Variants in MAN1C1 observed in about 807,000 individuals in gnomAD.
The protein encoded by MAN1C1 is mannosyl-oligosaccharide 1,2-alpha-mannosidase IC.
MAN1C1 carries 49 observed loss-of-function variants against 71.5 expected under a neutral mutation model. The observed-to-expected ratio is 0.69, with a 90% CI of 0.54 to 0.87. The LOEUF (loss-of-function observed/expected upper bound fraction) is 0.87, where lower values mean the gene tolerates loss of function less well. Among genes scored for constraint, MAN1C1 ranks in the 40% least tolerant of loss-of-function variants. MAN1C1 has a pLI of 0.00. For synonymous variants in MAN1C1, 352 were observed against 343.7 expected (o/e 1.02, Z -0.27); for missense variants, 743 against 835.0 (o/e 0.89, Z 1.36).
At chr1:25,766,360 G>A (rs1363676701) in intron 7 of MAN1C1, among the ~76,000 whole-genome samples, 2 of 151,392 alleles carry the variant, frequency 1.3e-5, no homozygotes, top group African/African-American at 4.9e-5. Context: ...TTTTTTTTTG[G>A]TGCATACGTA....
At chr1:25,629,600 T>C (rs1157283083) in intron 1 of MAN1C1, among the ~76,000 whole-genome samples, 1 of 152,146 alleles carries the variant, frequency 6.6e-6, no homozygotes, top group Non-Finnish European at 1.5e-5. Context: ...CTTGTATTTT[T>C]AGTAGAGACA....
chr1:25,699,074 A>G (rs182801244), intron 2 of MAN1C1, among the ~76,000 whole-genome samples: 4 of 152,076 alleles, frequency 2.6e-5, no homozygotes, highest in Non-Finnish European at 4.4e-5. Flanking sequence ...TGGGAGGCCA[A>G]GGCAGGCAGA....
In MAN1C1 at chr1:25,782,469, G is replaced by T. The variant is rs530340865; in HGVS notation, c.1651-116G>T. 5 of 656,108 alleles carry T rather than the reference G, an allele frequency of 7.6e-6. No homozygotes were observed. Among genetic ancestry groups the T allele is most frequent in the Middle Eastern group, 5.0e-4 (2 of 4,000 alleles). 40.6% of individuals were successfully genotyped at this position (656,108 alleles called of 1,614,324 possible). A position where few individuals can be genotyped will look rare whatever the true frequency, so the allele number is the denominator to read the frequency against. ...AAATGCCAGGAGTCCCCAGCCAAGG[G>T]GTGGGGGTGCTGTCTGCTTTCTTCT... On this transcript the variant is annotated intron_variant, in intron 10 of 11. Transcript: ENST00000374332. The surrounding 1 kb of genome is among the most constrained non-coding windows in gnomAD (Gnocchi z 4.4).
chr1:25,652,956 C>G (rs1014464885), intron 1 of MAN1C1, among the ~76,000 whole-genome samples: 4 of 152,002 alleles, frequency 2.6e-5, no homozygotes, highest in African/African-American at 9.7e-5. Flanking sequence ...TGAGGTCTCG[C>G]CATGTTGCCC....
At chr1:25,743,357 T>C (rs1188199360) in intron 2 of MAN1C1, among the ~76,000 whole-genome samples, 1 of 152,182 alleles carries the variant, frequency 6.6e-6, no homozygotes, top group Non-Finnish European at 1.5e-5. Context: ...TGGCTCTTTG[T>C]GTATAAATCA....
intron 8 of MAN1C1, chr1:25,772,005 G>T (rs1030753183): frequency 2.0e-6 from 1 of 502,194 alleles, no homozygotes; most frequent in African/African-American, 2.0e-5. Flanking sequence ...TGAAACCTAA[G>T]CTCTGGGAGG....
chr1:25,735,494 A>G lies in MAN1C1; in HGVS notation c.638-11174A>G, dbSNP rs2046971391. Among the ~76,000 whole-genome samples, 1 of 152,096 alleles carries G rather than the reference A, an allele frequency of 6.6e-6. No homozygotes were observed. Among genetic ancestry groups the G allele is most frequent in the African/African-American group, 2.4e-5 (1 of 41,396 alleles). On this transcript the variant is annotated intron_variant, in intron 2 of 11. Coordinates refer to ENST00000374332, the MANE Select transcript of MAN1C1 (RefSeq NM_020379.4). This position sits in a 1 kb window ranked among gnomAD's most constrained non-coding sequence, Gnocchi z 4.6. ...TATGTGTATGTATATATGTGTGTAT[A>G]TGTGTGTATGTATGTGTGTGTATAT...
chr1:25,771,923 G>A (rs1036140196), intron 8 of MAN1C1, 151 bp downstream of exon 8: 16 of 624,514 alleles, frequency 2.6e-5, no homozygotes, highest in Non-Finnish European at 4.2e-5. Context: ...TGACAGGACA[G>A]TCCCCTCCCA....
chr1:25,768,897 TAC>T (rs963234485), intron 7 of MAN1C1, among the ~76,000 whole-genome samples: 1 of 54,182 alleles, frequency 1.8e-5, no homozygotes, highest in Non-Finnish European at 3.8e-5. Context: ...ACACACATAT[TAC>T]ACACACTTTC....
chr1:25,739,697 C>T (rs1480995290), intron 2 of MAN1C1, among the ~76,000 whole-genome samples: 1 of 152,172 alleles, frequency 6.6e-6, no homozygotes, highest in East Asian at 1.9e-4. Context: ...GATTGACACG[C>T]TCTTCACAGA....
chr1:25,637,562 T>G (rs1326641184), intron 1 of MAN1C1, among the ~76,000 whole-genome samples: 1 of 151,658 alleles, frequency 6.6e-6, no homozygotes. Flanking sequence ...TAACTGTCAC[T>G]TAGGTCAGAT....
Position 25,646,805 on chromosome 1 carries a change from T to C in MAN1C1, c.540+28468T>C, listed in dbSNP as rs979911002. Among the ~76,000 whole-genome samples, 4 of 152,246 alleles carry C rather than the reference T, an allele frequency of 2.6e-5. No homozygotes were observed. The South Asian group carries it at 8.3e-4, about 32-fold the overall frequency. ...TTGTATGGGTAGACCGCATTTTCTTTCTCCATTCTTCTGTTGATGGACATT... is the reference window on the plus strand; with the variant it reads ...TTGTATGGGTAGACCGCATTTTCTTCCTCCATTCTTCTGTTGATGGACATT... On this transcript the variant is annotated intron_variant, in intron 1 of 11. Coordinates refer to ENST00000374332, the MANE Select transcript of MAN1C1 (RefSeq NM_020379.4).
At chr1:25,761,779 T>G (rs2047362744) in intron 6 of MAN1C1, 2 of 151,916 alleles carry the variant, frequency 1.3e-5, no homozygotes, top group Non-Finnish European at 2.9e-5. Flanking sequence ...CCCACCACCA[T>G]GCCTGGGTAA....
chr1:25,621,612 G>T lies in MAN1C1; in HGVS notation c.540+3275G>T, dbSNP rs142713179. ...GCTTGGTTGTGTTTTTGTTGTTGTT[G>T]TTTTTTTTGTTTGTGTTTGTTTTTT... On this transcript the variant is annotated intron_variant, in intron 1 of 11. Transcript: ENST00000374332. Among the ~76,000 whole-genome samples the T allele has an allele frequency of 6.7e-3, 1,014 of 151,310 alleles. 7 individuals carry two copies. Among genetic ancestry groups the T allele is most frequent in the African/African-American group, 0.021 (853 of 41,172 alleles).
Position 25,746,892 on chromosome 1 carries a change from C to T in MAN1C1, c.753+109C>T, listed in dbSNP as rs1392855835. 1.9e-5 allele frequency: 14 copies of T among 738,642 alleles called. No homozygotes were observed. Among genetic ancestry groups the T allele is most frequent in the Admixed American group, 5.2e-5 (2 of 38,150 alleles). 45.8% of individuals were successfully genotyped at this position (738,642 alleles called of 1,614,324 possible). On this transcript the variant is annotated intron_variant, in intron 3 of 11. Transcript: ENST00000374332. This position sits in a 1 kb window ranked among gnomAD's most constrained non-coding sequence, Gnocchi z 4.0. ...CCAGAGATGTTGAGGGTCTCTCCCACGGCTGCACAGCCCAGCAGTCTCGGA... is the reference window on the plus strand; with the variant it reads ...CCAGAGATGTTGAGGGTCTCTCCCATGGCTGCACAGCCCAGCAGTCTCGGA...
At chr1:25,651,049 G>A (rs530985990) in intron 1 of MAN1C1, among the ~76,000 whole-genome samples, 30 of 152,332 alleles carry the variant, frequency 2.0e-4, no homozygotes, top group South Asian at 2.1e-4. Flanking sequence ...AGGTGAGTAA[G>A]TGGAAGCTTG....
At chr1:25,777,964 G>T (rs1036696665) in intron 8 of MAN1C1, 141 bp from the exon 9 acceptor site, 4 of 631,204 alleles carry the variant, frequency 6.3e-6, no homozygotes, top group Non-Finnish European at 1.1e-5. Flanking sequence ...AGAGATCAAT[G>T]GGCCTCCTTT....
chr1:25,764,910 T>C lies in MAN1C1; in HGVS notation c.1141+943T>C, dbSNP rs2047408178. Reference sequence around the variant, plus strand: ...TAAAAATACAAAAAGTAGCTGGGTGTGGTGGCACGTGTCTCTAGTCCCAGC... The same window carrying C: ...TAAAAATACAAAAAGTAGCTGGGTGCGGTGGCACGTGTCTCTAGTCCCAGC... On this transcript the variant is annotated intron_variant, in intron 7 of 11. Coordinates refer to ENST00000374332, the MANE Select transcript of MAN1C1 (RefSeq NM_020379.4). This position sits in a 1 kb window ranked among gnomAD's most constrained non-coding sequence, Gnocchi z 4.4. 6.6e-6 allele frequency among the ~76,000 whole-genome samples: 1 copy of C among 151,922 alleles called. No individual in the cohort carries two copies. The highest frequency in any genetic ancestry group is 1.5e-5 in the Non-Finnish European group (1 of 67,976).
chr1:25,628,095 GTTATC>G (rs1226584699), intron 1 of MAN1C1, among the ~76,000 whole-genome samples: 6 of 151,982 alleles, frequency 3.9e-5, no homozygotes, highest in South Asian at 2.1e-4. Context: ...AGATCAAATT[GTTATC>G]TTAACAGTAT....
Sources: gnomAD v4.1 joint callset for allele counts (sites outside exome capture counted in the v4.1 genomes callset) on GRCh38, gnomAD v4.1.1 for gene constraint, Gnocchi (gnomAD v3.1) non-coding constraint, MANE v1.5 for transcripts, NCBI Gene and HGNC (gene_info 2026-07-23, HGNC 2026-07-21) for gene names.